The following EXOSC10 variants were observed in gnomAD, a reference collection of about 807,000 sequenced individuals.
EXOSC10 encodes exosome complex component 10.
In EXOSC10, 94 loss-of-function variants were observed where a neutral mutation model predicts 126.6. The ratio of observed to expected loss-of-function variants is 0.74; its 90% CI spans 0.63 to 0.88. EXOSC10 has a LOEUF of 0.88. Ranked by LOEUF, EXOSC10 falls within the 40% of genes least tolerant of loss-of-function variation. The pLI, the probability that EXOSC10 is intolerant of heterozygous loss-of-function variation, is 0.00. For synonymous variants in EXOSC10, 395 were observed against 400.8 expected (o/e 0.99, Z 0.17); for missense variants, 1,041 against 1,100.5 (o/e 0.95, Z 0.77).
At chr1:11,084,078 C>CA (rs1490678966) in intron 9 of EXOSC10, among the ~76,000 whole-genome samples, 1 of 152,122 alleles carries the variant, frequency 6.6e-6, no homozygotes, top group African/African-American at 2.4e-5. Flanking sequence ...AATAGTGCCG[C>CA]AATAAACATA....
At position 11,090,561 on chromosome 1, in the gene EXOSC10, G is replaced by A; in HGVS notation, c.751C>T (p.Gln251Ter). Reference protein sequence around the residue: ...IHQQRTQQVEQDMFAHPYQYE... With the variant: ...IHQQRTQQVE The stretch of plus-strand genomic sequence containing the variant: ...ACACAGGCCAACACTTACATGTCTT[G>A]CTCAACCTGCTGGGTTCTCTGCTGA... The change falls in exon 6 of 25, where the codon CAA (glutamine) becomes TAA (stop). Residue 251 changes from glutamine (Q) to a stop codon, truncating the protein, a stop_gained. Coordinates refer to ENST00000376936, the MANE Select transcript of EXOSC10 (RefSeq NM_001001998.3). LOFTEE classifies it high-confidence loss of function. The A allele has an allele frequency of 6.2e-7, 1 of 1,613,642 alleles. No homozygotes were observed. The highest frequency in any genetic ancestry group is 8.5e-7 in the Non-Finnish European group (1 of 1,179,644).
At chr1:11,076,767 C>A in intron 17 of EXOSC10, 75 bp downstream of exon 17, 2 of 1,151,144 alleles carry the variant, frequency 1.7e-6, no homozygotes, top group African/African-American at 1.5e-5. Context: ...ATGCTCCAGG[C>A]AGACAGCCTG....
chr1:11,080,646 T>A, intron 12 of EXOSC10, 97 bp from the exon 13 acceptor site: 2 of 1,603,502 alleles, frequency 1.2e-6, no homozygotes, highest in East Asian at 2.2e-5. Context: ...TTCCATTAGA[T>A]GCTGTCACAT....
intron 18 of EXOSC10, 95 bp downstream of exon 18, chr1:11,074,136 C>T: frequency 1.5e-6 from 2 of 1,378,932 alleles, no homozygotes; most frequent in Non-Finnish European, 2.1e-6. Context: ...GGGCAGCCGA[C>T]ACACTGGCTT....
At position 11,080,554 on chromosome 1, in the gene EXOSC10, A is replaced by G. The variant is rs1557704070; in HGVS notation, c.1587-5T>C. The G allele has an allele frequency of 6.8e-6, 9 of 1,315,068 alleles. 1 individual carries two copies. The Admixed American group carries it at 1.7e-4, about 25-fold the overall frequency. 81.5% of individuals were successfully genotyped at this position (1,315,068 alleles called of 1,614,324 possible). ...ATGTGGTTTGGCAGTACATATCTGGAAAAAAAAAAACACACACACACACAC... is the reference window on the plus strand; with the variant it reads ...ATGTGGTTTGGCAGTACATATCTGGGAAAAAAAAAACACACACACACACAC... On this transcript the variant is annotated splice_polypyrimidine_tract_variant and splice_region_variant and intron_variant, in intron 12 of 24. Coordinates refer to ENST00000376936, the MANE Select transcript of EXOSC10 (RefSeq NM_001001998.3).
At chr1:11,091,794 G>A (rs992189404) in intron 3 of EXOSC10, among the ~76,000 whole-genome samples, 197 bp from the exon 4 acceptor site, 1 of 152,120 alleles carries the variant, frequency 6.6e-6, no homozygotes, top group Non-Finnish European at 1.5e-5. Flanking sequence ...GGGTTCAAGC[G>A]ATTCTCCTGC....
chr1:11,072,422 C>T (rs1452637738), intron 19 of EXOSC10: 2 of 403,066 alleles, frequency 5.0e-6, no homozygotes, highest in East Asian at 5.1e-5. Flanking sequence ...CCCTCTGTAA[C>T]CCTGGGAAAA....
chr1:11,070,438 T>A (rs2100946496), intron 21 of EXOSC10, among the ~76,000 whole-genome samples: 1 of 150,168 alleles, frequency 6.7e-6, no homozygotes, highest in East Asian at 2.0e-4. Context: ...GGGAGGATCG[T>A]TTGAGCCCAA....
intron 3 of EXOSC10, among the ~76,000 whole-genome samples, chr1:11,093,685 G>A (rs564701438): frequency 2.6e-5 from 4 of 152,110 alleles, no homozygotes; most frequent in Non-Finnish European, 2.9e-5. Flanking sequence ...GAGCTGGAGG[G>A]GGTTCAGTAG....
At chr1:11,086,365 G>A (rs999556227) in intron 9 of EXOSC10, among the ~76,000 whole-genome samples, 21 of 152,234 alleles carry the variant, frequency 1.4e-4, no homozygotes, top group Middle Eastern at 6.8e-3. Flanking sequence ...TGTATGTGTC[G>A]AGGAATTTAT....
chr1:11,081,727 A>G (rs1478820922), intron 10 of EXOSC10, among the ~76,000 whole-genome samples: 3 of 152,210 alleles, frequency 2.0e-5, no homozygotes, highest in Non-Finnish European at 2.9e-5. Context: ...GATTTTATCA[A>G]TTTTTATCTT....
intron 3 of EXOSC10, 94 bp downstream of exon 3, chr1:11,095,664 A>G: frequency 8.6e-7 from 1 of 1,165,780 alleles, no homozygotes; most frequent in South Asian, 1.3e-5. Flanking sequence ...CAGTGAGTCG[A>G]GATCGCATCA....
At chr1:11,068,399 G>T (rs1307630200) in intron 23 of EXOSC10, 2 of 593,230 alleles carry the variant, frequency 3.4e-6, no homozygotes, top group Non-Finnish European at 6.0e-6. Context: ...CTTTTGGCCT[G>T]CAGCTATAGT....
At chr1:11,081,334 C>T in intron 10 of EXOSC10, 96 bp from the exon 11 acceptor site, 1 of 1,365,362 alleles carries the variant, frequency 7.3e-7, no homozygotes, top group Non-Finnish European at 1.0e-6. Context: ...TAGACCCTTC[C>T]AATATGAAAG....
chr1:11,079,285 T>C (rs1194591257), intron 14 of EXOSC10, among the ~76,000 whole-genome samples: 3 of 148,170 alleles, frequency 2.0e-5, no homozygotes, highest in East Asian at 2.0e-4. Flanking sequence ...GCCGAGATCA[T>C]GCCACTGCAC....
chr1:11,089,039 G>C (rs923871023), intron 6 of EXOSC10, among the ~76,000 whole-genome samples: 23 of 151,992 alleles, frequency 1.5e-4, no homozygotes, highest in Middle Eastern at 3.4e-3. Flanking sequence ...GGACAACACA[G>C]AAAGACCCTG....
At chr1:11,094,623 G>C (rs1347730781) in intron 3 of EXOSC10, among the ~76,000 whole-genome samples, 1 of 135,688 alleles carries the variant, frequency 7.4e-6, no homozygotes, top group Non-Finnish European at 1.6e-5. Flanking sequence ...TTTTTTTTGA[G>C]ACAGAGTCTC....
rs771167237 is a variant in EXOSC10, at chr1:11,091,096, A to C, written c.561T>G (p.Phe187Leu). Residue 187 changes from phenylalanine to leucine, a missense_variant, in exon 5 of 25, where the codon TTT becomes TTG. By Grantham distance (22) the Phe-to-Leu change is conservative (BLOSUM62 0). Coordinates refer to ENST00000376936, the MANE Select transcript of EXOSC10 (RefSeq NM_001001998.3). ...TGTTGGAATTGTCAATCTTCTCTCG[A>C]AACTTGAGCTGAGGTCGGATGATAT... ...AKNIIRPQLK[F>L]REKIDNSNTP... 4 of 1,614,216 alleles carry C rather than the reference A, an allele frequency of 2.5e-6. 1 individual carries two copies. In the South Asian group the frequency reaches 4.4e-5, roughly 18 times the overall value.
chr1:11,079,822 C>T lies in EXOSC10; in HGVS notation c.1638G>A (p.Lys546=). 1.2e-6 allele frequency: 2 copies of T among 1,609,920 alleles called. No homozygotes were observed. Among genetic ancestry groups the T allele is most frequent in the South Asian group, 2.2e-5 (2 of 90,260 alleles). Residue 546 remains lysine, a splice_region_variant and synonymous_variant, in exon 14 of 25, where the codon AAG becomes AAA. Transcript: ENST00000376936. ...MMLKIAEELP[K]EPQGIIACCN... ...AGCAAGCTATGATGCCCTGAGGTTC[C>T]CTGAAGACAAGTAAGAACACACTCA...
Sources: gnomAD v4.1 joint callset for allele counts (sites outside exome capture counted in the v4.1 genomes callset) on GRCh38, gnomAD v4.1.1 for gene constraint, MANE v1.5 for transcripts, NCBI Gene and HGNC (gene_info 2026-07-23, HGNC 2026-07-21) for gene names.